The following TSNARE1 variants were observed in gnomAD, a reference collection of about 807,000 sequenced individuals.
TSNARE1 encodes the protein t-SNARE domain-containing protein 1.
In TSNARE1, 49 loss-of-function variants were observed where a neutral mutation model predicts 62.0. That is an observed-to-expected ratio of 0.79 (90% confidence interval 0.63 to 1.00). The LOEUF is 1.00. TSNARE1 is among the 50% of genes least tolerant of loss of function. The pLI is 0.00. For synonymous variants in TSNARE1, 328 were observed against 294.4 expected (o/e 1.11, Z -1.17); for missense variants, 755 against 700.1 (o/e 1.08, Z -0.88).
chr8:142,288,955 C>T (rs1425865471), intron 10 of TSNARE1, among the ~76,000 whole-genome samples: 1 of 152,218 alleles, frequency 6.6e-6, no homozygotes, highest in Non-Finnish European at 1.5e-5. Flanking sequence ...GCTGGCAGGT[C>T]CTCAGGGCTG....
At chr8:142,331,070 G>C (rs1038287327) in intron 5 of TSNARE1, 100 bp from the exon 6 acceptor site, 19 of 1,056,450 alleles carry the variant, frequency 1.8e-5, no homozygotes, top group African/African-American at 3.1e-5. Flanking sequence ...AGGGTGAGCA[G>C]AGCCCAGGGA....
At chr8:142,353,485 T>C (rs1834369236) in intron 2 of TSNARE1, among the ~76,000 whole-genome samples, 1 of 152,124 alleles carries the variant, frequency 6.6e-6, no homozygotes, top group Non-Finnish European at 1.5e-5. Flanking sequence ...TAAGTGGTGA[T>C]GGCAAGATGA....
intron 12 of TSNARE1, among the ~76,000 whole-genome samples, chr8:142,260,455 T>G (rs1818801575): frequency 6.6e-6 from 1 of 152,110 alleles, no homozygotes. Context: ...TGTCCTCCCT[T>G]GGGGCATAAA....
chr8:142,402,511 G>A (rs1313993733), intron 1 of TSNARE1, among the ~76,000 whole-genome samples: 1 of 152,246 alleles, frequency 6.6e-6, no homozygotes, highest in Non-Finnish European at 1.5e-5. Context: ...AGTTTCTGCG[G>A]GGGCAGCACA....
At position 142,284,407 on chromosome 8, in the gene TSNARE1, A is replaced by G; in HGVS notation, c.1363+6T>C. ...CAGGTGGCCCGAGGCTGGGGCGGGTACCCACCAACAGCTTCTCCTTGCTCT... is the reference window on the plus strand; with the variant it reads ...CAGGTGGCCCGAGGCTGGGGCGGGTGCCCACCAACAGCTTCTCCTTGCTCT... On this transcript the variant is annotated splice_donor_region_variant and intron_variant, in intron 11 of 13. Coordinates refer to ENST00000524325, the MANE Select transcript of TSNARE1 (RefSeq NM_145003.5). 1 of 1,611,952 alleles carries G rather than the reference A, an allele frequency of 6.2e-7. No homozygotes were observed. Among genetic ancestry groups the G allele is most frequent in the Non-Finnish European group, 8.5e-7 (1 of 1,179,126 alleles).
chr8:142,223,612 C>CCACT lies in TSNARE1; in HGVS notation c.*11+5857_*11+5860dup, dbSNP rs1190700173. Among the ~76,000 whole-genome samples, 10 of 1,772 alleles carry CCACT rather than the reference C, an allele frequency of 5.6e-3. 2 individuals are homozygous for CCACT. Among genetic ancestry groups the CCACT allele is most frequent in the African/African-American group, 0.01 (8 of 796 alleles). The allele number at this position is 1,772 out of a possible 152,430, so 1.2% of individuals were successfully genotyped here. The stretch of plus-strand genomic sequence containing the variant: ...CTCATTCACTCACTCACTCATTTAT[C>CCACT]CACTCACTCACTCACTCATTCACTC... On this transcript the variant is annotated intron_variant, in intron 13 of 13. Coordinates refer to ENST00000524325, the MANE Select transcript of TSNARE1 (RefSeq NM_145003.5).
chr8:142,217,309 AAGAAAGAAAGAAAGAAAG>A (rs1443289742), intron 13 of TSNARE1, among the ~76,000 whole-genome samples: 4 of 27,104 alleles, frequency 1.5e-4, no homozygotes, highest in Non-Finnish European at 3.6e-4. Context: ...AAGAAAAAGA[AAGAAAGAAAGAAAGAAAG>A]AAAGAAAGAA....
chr8:142,214,449 G>A (rs916560230), intron 13 of TSNARE1, among the ~76,000 whole-genome samples: 5 of 152,116 alleles, frequency 3.3e-5, no homozygotes, highest in Admixed American at 1.3e-4. Flanking sequence ...TGGATCCCTC[G>A]GGATAGTTCT....
At chr8:142,394,770 G>A (rs969565971) in intron 1 of TSNARE1, among the ~76,000 whole-genome samples, 2 of 152,162 alleles carry the variant, frequency 1.3e-5, no homozygotes, top group South Asian at 2.1e-4. Flanking sequence ...GGGATGGTCC[G>A]CAGGGTCACC....
At position 142,309,789 on chromosome 8, in the gene TSNARE1, G is replaced by A. The variant is rs148700193; in HGVS notation, c.1131+4595C>T. ...CAGGCAAGGTGTGCTTCCTCCTGCCGTATTCTCTGTAACAGCATGTGTAAA... is the reference window on the plus strand; with the variant it reads ...CAGGCAAGGTGTGCTTCCTCCTGCCATATTCTCTGTAACAGCATGTGTAAA... On this transcript the variant is annotated intron_variant, in intron 9 of 13. Coordinates refer to ENST00000524325, the MANE Select transcript of TSNARE1 (RefSeq NM_145003.5). Among the ~76,000 whole-genome samples, 36 of 152,186 alleles carry A rather than the reference G, an allele frequency of 2.4e-4. No individual in the cohort carries two copies. In the East Asian group the frequency reaches 4.6e-3, roughly 20 times the overall value.
intron 10 of TSNARE1, among the ~76,000 whole-genome samples, chr8:142,295,655 T>C (rs1009807532): frequency 1.3e-5 from 2 of 152,176 alleles, no homozygotes; most frequent in African/African-American, 2.4e-5. Flanking sequence ...AGAGGAACTT[T>C]AGTGTATTTA....
intron 4 of TSNARE1, among the ~76,000 whole-genome samples, chr8:142,343,334 T>C (rs1489297214): frequency 6.6e-6 from 1 of 152,054 alleles, no homozygotes; most frequent in Non-Finnish European, 1.5e-5. Flanking sequence ...GTTTAGTAAG[T>C]TGCAATCAGC....
chr8:142,380,135 G>C (rs547514194), intron 1 of TSNARE1, among the ~76,000 whole-genome samples: 1 of 152,200 alleles, frequency 6.6e-6, no homozygotes, highest in Non-Finnish European at 1.5e-5. Flanking sequence ...GGCGTACCAC[G>C]TCACCAGGCA....
At chr8:142,277,356 C>G (rs1820670592) in intron 11 of TSNARE1, 2 of 985,292 alleles carry the variant, frequency 2.0e-6, no homozygotes, top group Admixed American at 1.2e-4. Context: ...AAACTGCCTG[C>G]CCAGTGCCCT....
intron 10 of TSNARE1, among the ~76,000 whole-genome samples, chr8:142,294,413 C>T (rs1824338165): frequency 1.3e-5 from 2 of 152,230 alleles, no homozygotes; most frequent in African/African-American, 2.4e-5. Context: ...GTCACTATCT[C>T]AAGGGCCTTC....
At chr8:142,309,517 G>A (rs1404180285) in intron 9 of TSNARE1, among the ~76,000 whole-genome samples, 2 of 152,118 alleles carry the variant, frequency 1.3e-5, no homozygotes, top group African/African-American at 4.8e-5. Context: ...GAAATGACCT[G>A]TACACATTTC....
At chr8:142,314,305 C>T (rs1828161439) in intron 9 of TSNARE1, 79 bp downstream of exon 9, 2 of 1,412,962 alleles carry the variant, frequency 1.4e-6, no homozygotes, top group Non-Finnish European at 2.0e-6. Flanking sequence ...CCTCCCCGCC[C>T]TTCCATGGAG....
At chr8:142,253,808 G>A (rs1043495329) in intron 12 of TSNARE1, among the ~76,000 whole-genome samples, 6 of 152,198 alleles carry the variant, frequency 3.9e-5, no homozygotes, top group South Asian at 2.1e-4. Context: ...CCAGGGGCCC[G>A]GCACGTGGCC....
chr8:142,376,198 G>A (rs570121818), intron 1 of TSNARE1, among the ~76,000 whole-genome samples: 12 of 152,266 alleles, frequency 7.9e-5, no homozygotes, highest in African/African-American at 2.6e-4. Flanking sequence ...GCTACTGAAC[G>A]GGTGAGAAAG....
Sources: gnomAD v4.1 joint callset for allele counts (sites outside exome capture counted in the v4.1 genomes callset) on GRCh38, gnomAD v4.1.1 for gene constraint, MANE v1.5 for transcripts, NCBI Gene and HGNC (gene_info 2026-07-23, HGNC 2026-07-21) for gene names.